Variants in GNG4 observed in about 807,000 individuals in gnomAD.
GNG4 encodes the protein G protein subunit gamma 4.
In GNG4, 4 loss-of-function variants were observed where a neutral mutation model predicts 5.8. That is an observed-to-expected ratio of 0.69 (90% CI 0.34 to 1.57). The LOEUF is 1.57. GNG4 is among the 40% of genes most tolerant of loss of function. The probability of loss-of-function intolerance (pLI) is 0.06; values close to 1 mark genes in which losing one functional copy is unlikely to be tolerated. For missense variants in GNG4, 96 were observed against 95.1 expected, an observed-to-expected ratio of 1.01 and a Z score of -0.04; for synonymous variants, 29 against 32.9, an observed-to-expected ratio of 0.88 and a Z score of 0.41.
At chr1:235,585,186 CT>C (rs1276259529) in intron 2 of GNG4, among the ~76,000 whole-genome samples, 1 of 151,490 alleles carries the variant, frequency 6.6e-6, no homozygotes, top group East Asian at 1.9e-4. Context: ...CCAGACTATT[CT>C]TTCCTATGCT....
At chr1:235,582,120 G>A (rs191179905) in intron 3 of GNG4, among the ~76,000 whole-genome samples, 3 of 152,198 alleles carry the variant, frequency 2.0e-5, no homozygotes, top group African/African-American at 7.2e-5. Flanking sequence ...CTCCCCGATC[G>A]CATCTTTGCT....
Position 235,593,924 on chromosome 1 carries a change from G to A in GNG4, c.-11+1476C>T, listed in dbSNP as rs149597916. Among the ~76,000 whole-genome samples the A allele has an allele frequency of 7.2e-5, 11 of 152,290 alleles. No homozygotes were observed. The South Asian group carries it at 1.5e-3, about 20-fold the overall frequency. On this transcript the variant is annotated intron_variant, in intron 2 of 3. Transcript: ENST00000391854. ...ACAAAGCCTGCACAGCGTGCATGGGGACCCAAGCAGATTACCCCAGCTGGC... is the reference window on the plus strand; with the variant it reads ...ACAAAGCCTGCACAGCGTGCATGGGAACCCAAGCAGATTACCCCAGCTGGC...
rs114044767 is a variant in GNG4 at position 235,644,269 on chromosome 1, C to G, written c.-123+5393G>C. Among the ~76,000 whole-genome samples, 1 of 152,232 alleles carries G rather than the reference C, an allele frequency of 6.6e-6. No homozygotes were observed. The highest frequency in any genetic ancestry group is 1.5e-5 in the Non-Finnish European group (1 of 68,034). On this transcript the variant is annotated intron_variant, in intron 1 of 3. Coordinates refer to ENST00000391854, the MANE Select transcript of GNG4 (RefSeq NM_001098722.2). The surrounding 1 kb of genome is among the most constrained non-coding windows in gnomAD (Gnocchi z 5.9). ...GACCCACGAAGGCCTTGCCCTGGAC[C>G]TACACCTCACCCTGTTCCAGAGAGA...
chr1:235,643,849 C>T (rs1030103289), intron 1 of GNG4, among the ~76,000 whole-genome samples: 3 of 152,238 alleles, frequency 2.0e-5, no homozygotes, highest in African/African-American at 4.8e-5. Context: ...CTTTCAGACA[C>T]TATTGACTGC....
intron 3 of GNG4, among the ~76,000 whole-genome samples, chr1:235,583,225 T>C (rs1687682698): frequency 6.6e-6 from 1 of 152,246 alleles, no homozygotes; most frequent in Admixed American, 6.5e-5. Flanking sequence ...TTCATCTTGC[T>C]GCAGTCCTCC....
At position 235,612,936 on chromosome 1, in the gene GNG4, C is replaced by T. The variant is rs544917449; in HGVS notation, c.-122-17425G>A. ...CAAGGGCCCTTTTCTGGGCGGCAGA[C>T]TGTTCACCTCTCACTGTGTCCTCAC... On this transcript the variant is annotated intron_variant, in intron 1 of 3. Coordinates refer to ENST00000391854, the MANE Select transcript of GNG4 (RefSeq NM_001098722.2). Among the ~76,000 whole-genome samples, 4 of 152,284 alleles carry T rather than the reference C, an allele frequency of 2.6e-5. No homozygotes were observed. In the South Asian group the frequency reaches 8.3e-4, roughly 32 times the overall value.
chr1:235,553,723 C>A (rs1324461635), intron 3 of GNG4, among the ~76,000 whole-genome samples: 1 of 152,200 alleles, frequency 6.6e-6, no homozygotes, highest in Non-Finnish European at 1.5e-5. Context: ...ACAAAACCTA[C>A]ATTTGTTAAG....
chr1:235,623,773 C>G lies in GNG4; in HGVS notation c.-123+25889G>C, dbSNP rs551970151. ...GGGTGCCTCCGCCACAGCAGCCCCC[C>G]TCATCATGCTGTCTCCCCAGCAACC... On this transcript the variant is annotated intron_variant, in intron 1 of 3. Coordinates refer to ENST00000391854, the MANE Select transcript of GNG4 (RefSeq NM_001098722.2). Among the ~76,000 whole-genome samples, 10 of 152,298 alleles carry G rather than the reference C, an allele frequency of 6.6e-5. No individual in the cohort carries two copies. In the East Asian group the frequency reaches 1.7e-3, roughly 26 times the overall value.
At chr1:235,596,154 ACAG>A (rs1688116750) in intron 1 of GNG4, among the ~76,000 whole-genome samples, 1 of 150,812 alleles carries the variant, frequency 6.6e-6, no homozygotes, top group Non-Finnish European at 1.5e-5. Flanking sequence ...AGCCTGGGTG[ACAG>A]AGCGAGACTC....
intron 2 of GNG4, among the ~76,000 whole-genome samples, chr1:235,591,546 T>C (rs1687964446): frequency 1.3e-5 from 2 of 152,236 alleles, no homozygotes; most frequent in Non-Finnish European, 2.9e-5. Context: ...CCTGCCTTTC[T>C]GAGACTGTCT....
intron 1 of GNG4, among the ~76,000 whole-genome samples, chr1:235,604,475 C>T (rs1216386869): frequency 6.6e-6 from 1 of 152,198 alleles, no homozygotes; most frequent in Admixed American, 6.5e-5. Flanking sequence ...GGCAGGGTCA[C>T]GCTCCCTCTG....
At chr1:235,600,120 T>G (rs933020413) in intron 1 of GNG4, among the ~76,000 whole-genome samples, 41 of 134,330 alleles carry the variant, frequency 3.1e-4, no homozygotes, top group Non-Finnish European at 6.1e-4. Flanking sequence ...TTTTTTTTTT[T>G]TTTTTTTTTA....
At position 235,649,246 on chromosome 1, in the gene GNG4, C is replaced by G. The variant is rs533472935; in HGVS notation, c.-123+416G>C. ...TCCCCAAAGAAAACGCCCAACCAGC[C>G]ACGCCATCTCCTGCCACTGAGGTCC... On this transcript the variant is annotated intron_variant, in intron 1 of 3. Coordinates refer to ENST00000391854, the MANE Select transcript of GNG4 (RefSeq NM_001098722.2). The surrounding 1 kb of genome is among the most constrained non-coding windows in gnomAD (Gnocchi z 5.7). 5.3e-5 allele frequency among the ~76,000 whole-genome samples: 8 copies of G among 152,352 alleles called. No individual in the cohort carries two copies. Among genetic ancestry groups the G allele is most frequent in the African/African-American group, 1.7e-4 (7 of 41,592 alleles).
intron 1 of GNG4, among the ~76,000 whole-genome samples, chr1:235,600,407 G>A (rs947606830): frequency 4.1e-4 from 58 of 142,982 alleles, no homozygotes; most frequent in Admixed American, 4.9e-4. Flanking sequence ...GAGCCATGGC[G>A]CCTGGCTTTT....
chr1:235,566,107 A>G (rs948734753), intron 3 of GNG4: 5 of 152,278 alleles, frequency 3.3e-5, no homozygotes, highest in African/African-American at 1.2e-4. Flanking sequence ...AATCCCAGTG[A>G]TAGACTTTGG....
chr1:235,641,561 G>C (rs1266279019), intron 1 of GNG4, among the ~76,000 whole-genome samples: 1 of 152,148 alleles, frequency 6.6e-6, no homozygotes, highest in Non-Finnish European at 1.5e-5. Context: ...CGTGGTGGCG[G>C]GCGCCTGTAA....
At chr1:235,599,708 G>C (rs1455241706) in intron 1 of GNG4, among the ~76,000 whole-genome samples, 2 of 152,174 alleles carry the variant, frequency 1.3e-5, no homozygotes, top group Admixed American at 1.3e-4. Context: ...CCTTATGCAG[G>C]GTCCAAGATG....
In GNG4 at chr1:235,608,410, G is replaced by A. The variant is rs573092548; in HGVS notation, c.-122-12899C>T. ...ATTTTAAAATGAGCAACTCAGTGAC[G>A]TTTAGTACATCCACAATGTTGTGCA... On this transcript the variant is annotated intron_variant, in intron 1 of 3. Coordinates refer to ENST00000391854, the MANE Select transcript of GNG4 (RefSeq NM_001098722.2). Among the ~76,000 whole-genome samples the A allele has an allele frequency of 3.9e-5, 6 of 152,268 alleles. No individual in the cohort carries two copies. In the South Asian group the frequency reaches 1.0e-3, roughly 26 times the overall value.
intron 3 of GNG4, among the ~76,000 whole-genome samples, chr1:235,570,858 A>ATG (rs1198419579): frequency 3.8e-5 from 2 of 53,004 alleles, no homozygotes; most frequent in African/African-American, 3.7e-4. Context: ...AATTATATAT[A>ATG]TATATGTGTG....
Sources: allele counts gnomAD v4.1 joint callset (sites outside exome capture counted in the v4.1 genomes callset), GRCh38; gene constraint gnomAD v4.1.1; non-coding constraint Gnocchi (gnomAD v3.1); transcripts MANE v1.5; gene names NCBI Gene and HGNC (gene_info 2026-07-23, HGNC 2026-07-21).